The following PGR variants were observed in gnomAD, a reference collection of about 807,000 sequenced individuals.
PGR encodes the protein nuclear receptor subfamily 3 group C member 3.
In PGR, 25 loss-of-function variants were observed where a neutral mutation model predicts 76.1. The ratio of observed to expected loss-of-function variants is 0.33; its 90% CI spans 0.24 to 0.46. The LOEUF (loss-of-function observed/expected upper bound fraction) is 0.46. Ranked by LOEUF, PGR falls within the 20% of genes least tolerant of loss-of-function variation. The pLI is 1.00. For synonymous variants in PGR, 579 were observed against 535.0 expected (o/e 1.08, Z -1.14); for missense variants, 1,172 against 1,225.3 (o/e 0.96, Z 0.65).
At chr11:101,082,165 G>A (rs1198133788) in intron 3 of PGR, among the ~76,000 whole-genome samples, 6 of 152,064 alleles carry the variant, frequency 3.9e-5, no homozygotes, top group Admixed American at 3.3e-4. Context: ...CTGGTAAGAC[G>A]TGCTTGCTTC....
chr11:101,041,683 T>G, intron 7 of PGR: 1 of 416,158 alleles, frequency 2.4e-6, no homozygotes, highest in Non-Finnish European at 4.3e-6. Context: ...TTAGAACATA[T>G]TCAGGAAATG....
At position 101,128,452 on chromosome 11, in the gene PGR, C is replaced by T. The variant is rs567928186; in HGVS notation, c.619G>A (p.Gly207Arg). Residue 207 changes from glycine to arginine, a missense_variant, in exon 1 of 8, where the codon GGG (glycine) becomes AGG (arginine). Coordinates refer to ENST00000325455, the MANE Select transcript of PGR (RefSeq NM_000926.4). ...LPASESPHWSGAPVKPSPQAA... is the reference protein window; with the variant it reads ...LPASESPHWSRAPVKPSPQAA... The stretch of plus-strand genomic sequence containing the variant: ...TGCGGAGACGGCTTCACTGGGGCCC[C>T]GGACCAGTGAGGGCTCTCAGAGGCC... The T allele has an allele frequency of 1.7e-5, 28 of 1,609,854 alleles. No homozygotes were observed. The East Asian group carries it at 5.6e-4, about 32-fold the overall frequency.
chr11:101,127,544 G>T lies in PGR; in HGVS notation c.1527C>A (p.Pro509=). The T allele has an allele frequency of 7.0e-7, 1 of 1,419,466 alleles. No individual in the cohort carries two copies. Among genetic ancestry groups the T allele is most frequent in the Non-Finnish European group, 9.2e-7 (1 of 1,085,282 alleles). The allele number at this position is 1,419,466 out of a possible 1,614,324, so 87.9% of individuals were successfully genotyped here. A position where few individuals can be genotyped will look rare whatever the true frequency, so the allele number is the denominator to read the frequency against. The change falls in exon 1 of 8, where the codon CCC becomes CCA. Residue 509 remains proline (P), a synonymous_variant. Transcript: ENST00000325455. ...TGAGGCCGAGTGCAGGGTAGAGCGC[G>T]GGGGCCGCCCCGGCGGCGGCGGCAG... ...SASAAAAGAA[P]ALYPALGLNG... is the part of the protein sequence containing the mutation.
At chr11:101,111,733 T>A (rs535648466) in intron 2 of PGR, among the ~76,000 whole-genome samples, 1 of 152,236 alleles carries the variant, frequency 6.6e-6, no homozygotes, top group African/African-American at 2.4e-5. Context: ...AGGAGCCAAC[T>A]TTGGGATGTG....
chr11:101,123,974 C>T (rs1431227110), intron 2 of PGR, among the ~76,000 whole-genome samples: 1 of 152,182 alleles, frequency 6.6e-6, no homozygotes, highest in Admixed American at 6.5e-5. Context: ...TATAGCAACC[C>T]TAAGAAATAG....
At position 101,036,728 on chromosome 11, in the gene PGR, C is replaced by A. The variant is rs998261180; in HGVS notation, c.*2388G>T. ...AGACAGAGATCAACATCGAAGATATCAAACATTTTAACAAAAGCCAAACCT... is the reference window on the plus strand; with the variant it reads ...AGACAGAGATCAACATCGAAGATATAAAACATTTTAACAAAAGCCAAACCT... On this transcript the variant is annotated 3_prime_UTR_variant, in exon 8 of 8. Transcript: ENST00000325455. 1 of 201,818 alleles carries A rather than the reference C, an allele frequency of 5.0e-6. No homozygotes were observed. The highest frequency in any genetic ancestry group is 2.3e-5 in the African/African-American group (1 of 43,590). The allele number at this position is 201,818 out of a possible 1,614,324, so 12.5% of individuals were successfully genotyped here.
intron 3 of PGR, among the ~76,000 whole-genome samples, chr11:101,067,238 C>T (rs913144502): frequency 1.5e-4 from 23 of 152,070 alleles, no homozygotes; most frequent in African/African-American, 4.6e-4. Context: ...TTCTGCATAT[C>T]GCCTTATCAG....
chr11:101,091,099 GTGTCT>G (rs1458196135), intron 3 of PGR, among the ~76,000 whole-genome samples: 1 of 152,164 alleles, frequency 6.6e-6, no homozygotes, highest in African/African-American at 2.4e-5. Flanking sequence ...GGGAGTACGG[GTGTCT>G]TGCATAACTG....
At chr11:101,080,086 G>A (rs1377234933) in intron 3 of PGR, among the ~76,000 whole-genome samples, 1 of 152,202 alleles carries the variant, frequency 6.6e-6, no homozygotes, top group Non-Finnish European at 1.5e-5. Flanking sequence ...GGGGACGCAG[G>A]TGGACCTGCT....
rs531652105 is a variant in PGR at position 101,048,925 on chromosome 11, T to C, written c.2488+1004A>G. Among the ~76,000 whole-genome samples, 9 of 152,208 alleles carry C rather than the reference T, an allele frequency of 5.9e-5. No homozygotes were observed. The East Asian group carries it at 1.5e-3, about 26-fold the overall frequency. On this transcript the variant is annotated intron_variant, in intron 6 of 7. Transcript: ENST00000325455. ...AAGGTACAGTTCTCTTTCTTTCTTT[T>C]TTTAGAGACAAGTTCTCACATGTTG...
At chr11:101,068,310 A>G (rs1279626656) in intron 3 of PGR, among the ~76,000 whole-genome samples, 1 of 152,294 alleles carries the variant, frequency 6.6e-6, no homozygotes, top group East Asian at 1.9e-4. Context: ...AATACAACTT[A>G]CAAGGGATGT....
At chr11:101,045,179 A>G (rs899833252) in intron 6 of PGR, among the ~76,000 whole-genome samples, 2 of 152,208 alleles carry the variant, frequency 1.3e-5, no homozygotes, top group Non-Finnish European at 2.9e-5. Flanking sequence ...TTTGGTTTTG[A>G]GTTTTCAAGA....
rs1465965580 is a variant in PGR, at chr11:101,036,856, A to C, written c.*2260T>G. On this transcript the variant is annotated 3_prime_UTR_variant, in exon 8 of 8. Transcript: ENST00000325455. ...CTGGTGGAAATGATTTATATCATCA[A>C]AATATTGGTTTAATTCAAAGTAACA... 2 of 192,550 alleles carry C rather than the reference A, an allele frequency of 1.0e-5. No homozygotes were observed. Among genetic ancestry groups the C allele is most frequent in the Non-Finnish European group, 2.2e-5 (2 of 92,080 alleles). 11.9% of individuals were successfully genotyped at this position (192,550 alleles called of 1,614,324 possible). A position where few individuals can be genotyped will look rare whatever the true frequency, so the allele number is the denominator to read the frequency against.
At position 101,128,092 on chromosome 11, in the gene PGR, C is replaced by G. The variant is rs780514483; in HGVS notation, c.979G>C (p.Glu327Gln). Residue 327 changes from glutamate to glutamine, a missense_variant, in exon 1 of 8, where the codon GAA (glutamate) becomes CAA (glutamine). Glu to Gln is a conservative substitution (Grantham distance 29). Around this residue, in one of 4 missense-constraint regions of PGR, gnomAD observed 893 missense variants for 785.9 expected, o/e 1.14. Coordinates refer to ENST00000325455, the MANE Select transcript of PGR (RefSeq NM_000926.4). Reference sequence around the variant, plus strand: ...GCCCCGGCCCCGCCGTCGTAACTTTCGTCTTCCAGCAGCTGCCGAGTGCGG... The same window carrying G: ...GCCCCGGCCCCGCCGTCGTAACTTTGGTCTTCCAGCAGCTGCCGAGTGCGG... ...AARTRQLLED[E>Q]SYDGGAGAAS... 2.5e-6 allele frequency: 4 copies of G among 1,599,884 alleles called. No homozygotes were observed. The highest frequency in any genetic ancestry group is 3.4e-6 in the Non-Finnish European group (4 of 1,179,688).
intron 2 of PGR, among the ~76,000 whole-genome samples, chr11:101,110,425 T>C (rs531402710): frequency 9.4e-4 from 143 of 152,316 alleles, no homozygotes; most frequent in African/African-American, 3.2e-3. Context: ...CAAGACTTCA[T>C]GGAGGAAGTA....
At chr11:101,056,301 C>T (rs1215892198) in intron 4 of PGR, among the ~76,000 whole-genome samples, 2 of 151,988 alleles carry the variant, frequency 1.3e-5, no homozygotes, top group Admixed American at 6.6e-5. Flanking sequence ...CCTGTTACAG[C>T]TGTCCAAATT....
Position 101,037,524 on chromosome 11 carries a change from T to C in PGR, c.*1592A>G, listed in dbSNP as rs957415198. ...TACATAAACATAAGAAATAATTGTT[T>C]TGTGGAATTTTGCTTAGGGAGAGAA... On this transcript the variant is annotated 3_prime_UTR_variant, in exon 8 of 8. Coordinates refer to ENST00000325455, the MANE Select transcript of PGR (RefSeq NM_000926.4). 2 of 227,528 alleles carry C rather than the reference T, an allele frequency of 8.8e-6. No homozygotes were observed. The highest frequency in any genetic ancestry group is 1.7e-5 in the Non-Finnish European group (2 of 114,540). The allele number at this position is 227,528 out of a possible 1,614,324, so 14.1% of individuals were successfully genotyped here.
At chr11:101,090,860 A>C (rs1206425693) in intron 3 of PGR, among the ~76,000 whole-genome samples, 1 of 152,240 alleles carries the variant, frequency 6.6e-6, no homozygotes, top group Non-Finnish European at 1.5e-5. Flanking sequence ...TGACAGTTGT[A>C]TACGCTTTAA....
At chr11:101,059,564 T>C (rs1226293440) in intron 4 of PGR, among the ~76,000 whole-genome samples, 2 of 151,948 alleles carry the variant, frequency 1.3e-5, no homozygotes. Flanking sequence ...TGGGGTGCGG[T>C]GAGTCATGTT....
Sources: gnomAD v4.1 joint callset for allele counts (sites outside exome capture counted in the v4.1 genomes callset) on GRCh38, gnomAD v4.1.1 for gene constraint, gnomAD v4.1.1 regional missense constraint, MANE v1.5 for transcripts, NCBI Gene and HGNC (gene_info 2026-07-23, HGNC 2026-07-21) for gene names.